The following TULP4 variants were observed in gnomAD, a reference collection of about 807,000 sequenced individuals.
TULP4 encodes the protein tubby-related protein 4.
Under a neutral mutation model 129.0 loss-of-function variants are expected in TULP4, and 16 were observed. The ratio of observed to expected loss-of-function variants is 0.12; its 90% confidence interval spans 0.08 to 0.19. The LOEUF (loss-of-function observed/expected upper bound fraction) is 0.19. TULP4 is among the 10% of genes least tolerant of loss of function. The probability of loss-of-function intolerance (pLI) is 1.00; values close to 1 mark genes in which losing one functional copy is unlikely to be tolerated. For missense variants in TULP4, 1,842 were observed against 2,059.1 expected (o/e 0.89, Z 2.04); for synonymous variants, 998 against 854.0 (o/e 1.17, Z -2.94).
At chr6:158,286,653 A>T (rs1226702934) in intron 1 of TULP4, among the ~76,000 whole-genome samples, 1 of 152,178 alleles carries the variant, frequency 6.6e-6, no homozygotes, top group East Asian at 1.9e-4. Context: ...GAGCTTGGGG[A>T]TATTTTTAGC....
At chr6:158,351,705 A>T in intron 1 of TULP4, among the ~76,000 whole-genome samples, 1 of 117,964 alleles carries the variant, frequency 8.5e-6, no homozygotes, top group African/African-American at 3.4e-5. Flanking sequence ...TGTGTTGTTA[A>T]ACTTTTTTTT....
In TULP4 at chr6:158,479,723, G is replaced by A; in HGVS notation, c.1027-28G>A. ...GCTTCCCACAAGAGCAAAAGCTTAA[G>A]CATTGTCTTCCCTTCACTTCCTGCC... On this transcript the variant is annotated intron_variant, in intron 6 of 13. Coordinates refer to ENST00000367097, the MANE Select transcript of TULP4 (RefSeq NM_020245.5). 7 of 1,603,370 alleles carry A rather than the reference G, an allele frequency of 4.4e-6. No homozygotes were observed. In the South Asian group the frequency reaches 6.6e-5, roughly 15 times the overall value.
chr6:158,422,738 A>T (rs113600274), intron 2 of TULP4, among the ~76,000 whole-genome samples: 1 of 152,244 alleles, frequency 6.6e-6, no homozygotes, highest in South Asian at 2.1e-4. Flanking sequence ...TCAGATTTGC[A>T]TAGGGCTCAG....
intron 1 of TULP4, among the ~76,000 whole-genome samples, chr6:158,256,096 C>T (rs546623230): frequency 6.6e-6 from 1 of 152,222 alleles, no homozygotes; most frequent in African/African-American, 2.4e-5. Context: ...TTAAGCTACT[C>T]CTCCTGAAGA....
At chr6:158,257,157 A>G (rs1368157441) in intron 1 of TULP4, among the ~76,000 whole-genome samples, 1 of 152,160 alleles carries the variant, frequency 6.6e-6, no homozygotes, top group Non-Finnish European at 1.5e-5. Flanking sequence ...GTTGTTACTC[A>G]TTTCAGAAGA....
At chr6:158,309,525 G>T (rs1250711516), upstream of TULP4, among the ~76,000 whole-genome samples, 1 of 152,020 alleles carries the variant, frequency 6.6e-6, no homozygotes, top group African/African-American at 2.4e-5. Context: ...GGCGCTTTGG[G>T]AGGCCAAGGC....
intron 1 of TULP4, among the ~76,000 whole-genome samples, chr6:158,284,503 A>G (rs1778805699): frequency 6.6e-6 from 1 of 151,316 alleles, no homozygotes; most frequent in African/African-American, 2.4e-5. Context: ...ATATAAGGAA[A>G]TGAGCCGCCG....
At chr6:158,284,870 G>A (rs1778810215) in intron 1 of TULP4, among the ~76,000 whole-genome samples, 1 of 152,200 alleles carries the variant, frequency 6.6e-6, no homozygotes, top group Admixed American at 6.5e-5. Context: ...CCTTGCCTGT[G>A]GAATGGGGAT....
intron 1 of TULP4, among the ~76,000 whole-genome samples, chr6:158,245,092 A>G (rs900282723): frequency 1.3e-4 from 19 of 151,864 alleles, no homozygotes; most frequent in African/African-American, 4.6e-4. Flanking sequence ...GGTTCAAGCA[A>G]TCCTCCTCCC....
At position 158,370,227 on chromosome 6, in the gene TULP4, C is replaced by T. The variant is rs187152996; in HGVS notation, c.253-42838C>T. On this transcript the variant is annotated intron_variant, in intron 1 of 13. Transcript: ENST00000367097. Reference sequence around the variant, plus strand: ...ATCCCAGCACTTTGGGAGGCTGAGGCGGGCGGATCACCTGAGGTCAGGAGT... The same window carrying T: ...ATCCCAGCACTTTGGGAGGCTGAGGTGGGCGGATCACCTGAGGTCAGGAGT... 1.4e-3 allele frequency among the ~76,000 whole-genome samples: 216 copies of T among 151,882 alleles called. 1 individual carries two copies. Among genetic ancestry groups the T allele is most frequent in the South Asian group, 2.5e-3 (12 of 4,796 alleles).
At chr6:158,406,775 G>C (rs1289247722) in intron 1 of TULP4, among the ~76,000 whole-genome samples, 4 of 152,138 alleles carry the variant, frequency 2.6e-5, no homozygotes, top group African/African-American at 9.7e-5. Context: ...TTCAGGCCTG[G>C]CTAATAATAT....
chr6:158,247,095 A>G (rs901789888), intron 1 of TULP4, among the ~76,000 whole-genome samples: 2 of 152,194 alleles, frequency 1.3e-5, no homozygotes, highest in Non-Finnish European at 2.9e-5. Context: ...TAAAGACTCA[A>G]TTTAGACTGT....
At chr6:158,273,612 T>G (rs1259284951) in intron 1 of TULP4, among the ~76,000 whole-genome samples, 1 of 152,048 alleles carries the variant, frequency 6.6e-6, no homozygotes, top group African/African-American at 2.4e-5. Flanking sequence ...CCCTGTCCCA[T>G]TCTTCTTCAG....
At chr6:158,498,617 G>GGCTCT in intron 11 of TULP4, 52 bp from the exon 12 acceptor site, 1 of 1,608,140 alleles carries the variant, frequency 6.2e-7, no homozygotes, top group Non-Finnish European at 8.5e-7. Context: ...TTGACACTTT[G>GGCTCT]GCTCTGCTCT....
chr6:158,500,798 G>T (rs1450972618), intron 12 of TULP4, among the ~76,000 whole-genome samples: 1 of 152,222 alleles, frequency 6.6e-6, no homozygotes, highest in Non-Finnish European at 1.5e-5. Flanking sequence ...AGGCAGGGTG[G>T]CTCACACCTG....
At chr6:158,308,329 G>A (rs1779253976), upstream of TULP4, among the ~76,000 whole-genome samples, 1 of 151,888 alleles carries the variant, frequency 6.6e-6, no homozygotes, top group Non-Finnish European at 1.5e-5. Context: ...TAAGGTCACA[G>A]ATCAACAGGA....
chr6:158,360,623 A>G (rs1446646366), intron 1 of TULP4, among the ~76,000 whole-genome samples: 1 of 152,156 alleles, frequency 6.6e-6, no homozygotes, highest in African/African-American at 2.4e-5. Context: ...GGGGAAGAAA[A>G]ATCTGTTAAT....
chr6:158,446,694 T>G (rs1562569685), intron 3 of TULP4, among the ~76,000 whole-genome samples: 1 of 152,114 alleles, frequency 6.6e-6, no homozygotes, highest in Admixed American at 6.6e-5. Context: ...CAACAGACAT[T>G]GAGTTCTCAC....
At chr6:158,345,734 G>T (rs527843604) in intron 1 of TULP4, among the ~76,000 whole-genome samples, 3 of 152,192 alleles carry the variant, frequency 2.0e-5, no homozygotes, top group Admixed American at 6.5e-5. Context: ...AGCGGTGCAC[G>T]TATTGTCTTG....
Sources: gnomAD v4.1 joint callset for allele counts (sites outside exome capture counted in the v4.1 genomes callset) on GRCh38, gnomAD v4.1.1 for gene constraint, MANE v1.5 for transcripts, NCBI Gene and HGNC (gene_info 2026-07-23, HGNC 2026-07-21) for gene names.